The following BRI3 variants were observed in gnomAD, a reference collection of about 807,000 sequenced individuals.
BRI3 encodes the protein brain protein I3, also known as membrane protein BRI3.
Under a neutral mutation model 12.8 loss-of-function variants are expected in BRI3, and 6 were observed. That is an observed-to-expected ratio of 0.47 (90% confidence interval 0.26 to 0.93). The LOEUF (loss-of-function observed/expected upper bound fraction) is 0.93, where lower values mean the gene tolerates loss of function less well. BRI3 is among the 40% of genes least tolerant of loss of function. The pLI is 0.15. For missense variants in BRI3, 134 were observed against 171.1 expected (o/e 0.78, Z 1.21); for synonymous variants, 91 against 76.1 (o/e 1.20, Z -1.02).
At chr7:98,318,349 G>C in the BRI3 span, among the ~76,000 whole-genome samples, 1 of 152,084 alleles carries the variant, frequency 6.6e-6, no homozygotes, top group Non-Finnish European at 1.5e-5. Context: ...GTTGCAGCAA[G>C]CTGAGATCGC....
intron 2 of BRI3, among the ~76,000 whole-genome samples, chr7:98,284,211 T>C (rs1230405021): frequency 6.6e-6 from 1 of 152,146 alleles, no homozygotes; most frequent in East Asian, 1.9e-4. Context: ...GGGGGGTCCT[T>C]AGTCCTTTAA....
At chr7:98,294,242 C>A, downstream of BRI3, 1 of 888,676 alleles carries the variant, frequency 1.1e-6, no homozygotes, top group Non-Finnish European at 1.7e-6. Flanking sequence ...ATCCTTCCAC[C>A]TTGGCCTCCT....
chr7:98,321,120 A>C, the BRI3 span, among the ~76,000 whole-genome samples: 1 of 152,012 alleles, frequency 6.6e-6, no homozygotes, highest in African/African-American at 2.4e-5. Flanking sequence ...CAGCCTCCCA[A>C]AGTGCTGGGA....
At chr7:98,291,678 G>C (rs1264144353), downstream of BRI3, 1 of 291,674 alleles carries the variant, frequency 3.4e-6, no homozygotes, top group African/African-American at 2.3e-5. Flanking sequence ...TATTATTAAA[G>C]TTGTAATCCC....
intron 1 of BRI3, 43 bp downstream of exon 1, chr7:98,281,980 G>A: frequency 2.3e-6 from 3 of 1,291,986 alleles, no homozygotes; most frequent in Non-Finnish European, 2.9e-6. Context: ...CTTCCGAGGT[G>A]GCAAGCCCGG....
At chr7:98,282,971 C>T (rs1162897610) in intron 2 of BRI3, 1 of 154,668 alleles carries the variant, frequency 6.5e-6, no homozygotes, top group Non-Finnish European at 1.4e-5. Context: ...AACGCTCTTC[C>T]ACGAGCTGGA....
upstream of BRI3, chr7:98,304,173 C>T (rs375958780): frequency 1.1e-5 from 17 of 1,545,810 alleles, no homozygotes; most frequent in Middle Eastern, 1.8e-4. Flanking sequence ...GGACCCAGGA[C>T]GCCCTGCTGC....
chr7:98,282,325 C>T (rs996703287), intron 1 of BRI3, 26 bp from the exon 2 acceptor site: 3 of 1,582,284 alleles, frequency 1.9e-6, no homozygotes, highest in Non-Finnish European at 2.6e-6. Context: ...TCCCTGCACC[C>T]TAATGACCTG....
At chr7:98,284,259 C>T (rs1265473689) in intron 2 of BRI3, among the ~76,000 whole-genome samples, 1 of 152,190 alleles carries the variant, frequency 6.6e-6, no homozygotes, top group Non-Finnish European at 1.5e-5. Flanking sequence ...GCGGCGACCC[C>T]TTGGGTTGCA....
downstream of BRI3, chr7:98,292,938 A>G (rs911244860): frequency 7.6e-7 from 1 of 1,318,366 alleles, no homozygotes; most frequent in African/African-American, 1.5e-5. Flanking sequence ...TTAGCACTCT[A>G]CAGCTCTGGC....
downstream of BRI3, among the ~76,000 whole-genome samples, chr7:98,311,748 A>G (rs1378916696): frequency 6.6e-6 from 1 of 151,846 alleles, no homozygotes; most frequent in Non-Finnish European, 1.5e-5. Flanking sequence ...TCTACTAATA[A>G]TACAAAAATT....
chr7:98,287,008 G>A (rs1799732382), intron 2 of BRI3, among the ~76,000 whole-genome samples: 1 of 152,214 alleles, frequency 6.6e-6, no homozygotes, highest in South Asian at 2.1e-4. Flanking sequence ...CCAGAGGTGA[G>A]GGCCGAACTC....
chr7:98,321,161 C>A, the BRI3 span, among the ~76,000 whole-genome samples: 1 of 152,060 alleles, frequency 6.6e-6, no homozygotes, highest in East Asian at 1.9e-4. Context: ...ACCTGGCCCA[C>A]GTGGCCCTTT....
At chr7:98,295,608 C>T (rs149836520), downstream of BRI3, among the ~76,000 whole-genome samples, 439 of 152,240 alleles carry the variant, frequency 2.9e-3, 1 homozygote, top group Admixed American at 5.7e-3. Context: ...GCCTGAGGCA[C>T]GATTCATGCC....
downstream of BRI3, chr7:98,310,711 G>A (rs4624955): frequency 1.8e-6 from 1 of 549,158 alleles, no homozygotes; most frequent in South Asian, 2.7e-5. Flanking sequence ...TTTTGAGACA[G>A]AGTCTCGCTG....
chr7:98,306,682 A>G (rs1302828553), intron 1 of BRI3: 1 of 983,090 alleles, frequency 1.0e-6, no homozygotes, highest in African/African-American at 1.6e-5. Context: ...ATGGACTTTC[A>G]CATACACTGA....
Position 98,291,138 on chromosome 7 carries a change from C to G in BRI3, c.273C>G (p.Thr91=), listed in dbSNP as rs750648700. Residue 91 remains threonine, a synonymous_variant, in exon 3 of 3, where the codon ACC becomes ACG. Transcript: ENST00000297290. ...CRVGVLEDCF[T]FLGIFLAIIL... is the part of the protein sequence containing the mutation. ...TTGGGGTGCTGGAGGACTGCTTCAC[C>G]TTCCTGGGCATCTTCCTGGCCATCA... The G allele has an allele frequency of 1.1e-5, 17 of 1,614,198 alleles. No homozygotes were observed. Among genetic ancestry groups the G allele is most frequent in the South Asian group, 7.7e-5 (7 of 91,084 alleles).
chr7:98,294,732 A>G (rs887880999), downstream of BRI3, among the ~76,000 whole-genome samples: 1 of 152,226 alleles, frequency 6.6e-6, no homozygotes, highest in Admixed American at 6.5e-5. Flanking sequence ...TGACAAAGAA[A>G]CAGGAAATAA....
At chr7:98,283,320 G>A (rs533548080) in intron 2 of BRI3, among the ~76,000 whole-genome samples, 51 of 152,280 alleles carry the variant, frequency 3.3e-4, no homozygotes, top group African/African-American at 1.2e-3. Flanking sequence ...AAGGCCTAGA[G>A]TGGAGTCACG....
Sources: gnomAD v4.1 joint callset for allele counts (sites outside exome capture counted in the v4.1 genomes callset) on GRCh38, gnomAD v4.1.1 for gene constraint, MANE v1.5 for transcripts, NCBI Gene and HGNC (gene_info 2026-07-23, HGNC 2026-07-21) for gene names.